The following TCF4 variants were observed in gnomAD, a reference collection of about 807,000 sequenced individuals.
TCF4 encodes transcription factor 4.
In TCF4, 3 loss-of-function variants were observed where a neutral mutation model predicts 82.1. That is an observed-to-expected ratio of 0.04 (90% confidence interval 0.02 to 0.09). The LOEUF is 0.09. Ranked by LOEUF, TCF4 falls within the 10% of genes least tolerant of loss-of-function variation. The pLI is 1.00. For synonymous variants in TCF4, 276 were observed against 309.6 expected, an observed-to-expected ratio of 0.89 and a Z score of 1.14; for missense variants, 518 against 852.7, an observed-to-expected ratio of 0.61 and a Z score of 4.89.
intron 15 of TCF4, among the ~76,000 whole-genome samples, chr18:55,246,232 C>CGTGTGTGTGTGTGTGT (rs34773632): frequency 2.2e-4 from 32 of 147,756 alleles, no homozygotes; most frequent in South Asian, 8.8e-4. Flanking sequence ...TTTAAATACA[C>CGTGTGTGTGTGTGTGT]GTGTGTGTGT....
intron 15 of TCF4, among the ~76,000 whole-genome samples, chr18:55,251,929 G>C (rs997041914): frequency 2.2e-5 from 2 of 90,964 alleles, no homozygotes; most frequent in African/African-American, 8.2e-5. Context: ...AGGGGGATGA[G>C]GTTTTTTTTT....
chr18:55,350,805 TAAAG>T lies in TCF4; in HGVS notation c.499+65_499+68del, dbSNP rs1023002057. ...GAGGTAGGATGGGGGGGCGATATTT[TAAAG>T]AAAGAAAGAAAAAAAGAAAAAGGCA... On this transcript the variant is annotated intron_variant, in intron 7 of 19. Transcript: ENST00000354452. 6.8e-6 allele frequency: 11 copies of T among 1,606,328 alleles called. No individual in the cohort carries two copies. In the Admixed American group the frequency reaches 1.0e-4, roughly 15 times the overall value.
chr18:55,551,729 A>G (rs1003653400), intron 3 of TCF4: 1 of 152,204 alleles, frequency 6.6e-6, no homozygotes, highest in African/African-American at 2.4e-5. Flanking sequence ...TATTTCAAAT[A>G]TGCTTCAGAA....
chr18:55,233,052 T>C (rs542941277), intron 16 of TCF4, among the ~76,000 whole-genome samples: 12 of 152,244 alleles, frequency 7.9e-5, no homozygotes, highest in Non-Finnish European at 1.8e-4. Context: ...AAAATGTCCT[T>C]AAAATATAAT....
chr18:55,611,462 C>A (rs995447758), intron 2 of TCF4, among the ~76,000 whole-genome samples: 2 of 152,156 alleles, frequency 1.3e-5, no homozygotes, highest in Admixed American at 6.5e-5. Context: ...ATCCATGACA[C>A]CCTACCTAGA....
intron 2 of TCF4, among the ~76,000 whole-genome samples, chr18:55,600,653 G>A (rs897576783): frequency 1.3e-5 from 2 of 152,168 alleles, no homozygotes; most frequent in East Asian, 1.9e-4. Flanking sequence ...CTAGGCCACA[G>A]TATACAGGCT....
chr18:55,536,604 A>G (rs1230214092), intron 3 of TCF4, among the ~76,000 whole-genome samples: 1 of 152,264 alleles, frequency 6.6e-6, no homozygotes, highest in Non-Finnish European at 1.5e-5. Flanking sequence ...GCCCCAACAT[A>G]TAAGACATAT....
At chr18:55,514,156 T>A (rs1381771269) in intron 3 of TCF4, among the ~76,000 whole-genome samples, 1 of 152,156 alleles carries the variant, frequency 6.6e-6, no homozygotes, top group Non-Finnish European at 1.5e-5. Flanking sequence ...TTCTCAGATT[T>A]CTACTGTATC....
intron 8 of TCF4, among the ~76,000 whole-genome samples, chr18:55,299,133 A>C (rs985925260): frequency 6.6e-6 from 1 of 152,170 alleles, no homozygotes; most frequent in African/African-American, 2.4e-5. Context: ...TTTCTTGGCC[A>C]GGTGTGGTGG....
Position 55,466,125 on chromosome 18 carries a change from C to T in TCF4, c.146-1988G>A, listed in dbSNP as rs541281485. On this transcript the variant is annotated intron_variant, in intron 3 of 19. Coordinates refer to ENST00000354452, the MANE Select transcript of TCF4 (RefSeq NM_001083962.2). ...TTTGGTTGTCACAATTTGGGTGTTGCTAGTGGCATTGATCACACAGAGGCC... is the reference window on the plus strand; with the variant it reads ...TTTGGTTGTCACAATTTGGGTGTTGTTAGTGGCATTGATCACACAGAGGCC... Among the ~76,000 whole-genome samples, 7 of 152,238 alleles carry T rather than the reference C, an allele frequency of 4.6e-5. No homozygotes were observed. In the South Asian group the frequency reaches 1.5e-3, roughly 32 times the overall value.
intron 14 of TCF4, among the ~76,000 whole-genome samples, chr18:55,256,941 A>G (rs1047702657): frequency 3.3e-5 from 5 of 152,184 alleles, no homozygotes; most frequent in African/African-American, 9.6e-5. Flanking sequence ...TGGAAAGTAA[A>G]GCAGAGGTAG....
intron 5 of TCF4, among the ~76,000 whole-genome samples, chr18:55,439,916 G>T (rs1438348366): frequency 4.6e-5 from 7 of 152,034 alleles, no homozygotes; most frequent in Non-Finnish European, 4.4e-5. Context: ...TAGACACGGG[G>T]TTTCACCATG....
At chr18:55,539,759 G>A in intron 3 of TCF4, among the ~76,000 whole-genome samples, 1 of 151,950 alleles carries the variant, frequency 6.6e-6, no homozygotes, top group East Asian at 1.9e-4. Flanking sequence ...ACATCATAAT[G>A]AAAAGATAAG....
intron 8 of TCF4, among the ~76,000 whole-genome samples, chr18:55,349,096 C>T (rs756541860): frequency 7.9e-5 from 12 of 152,098 alleles, no homozygotes; most frequent in Non-Finnish European, 1.5e-4. Flanking sequence ...CAACTGAGTA[C>T]AATTTTAAGT....
chr18:55,538,026 G>GCGCGCACACA lies in TCF4; in HGVS notation c.145+47253_145+47254insTGTGTGCGCG, dbSNP rs1277287061. On this transcript the variant is annotated intron_variant, in intron 3 of 19. Coordinates refer to ENST00000354452, the MANE Select transcript of TCF4 (RefSeq NM_001083962.2). ...CTGGATTTTGCTAGTCTGCGCGCGC[G>GCGCGCACACA]CACACACACACACACACACACACAC... 1.0e-3 allele frequency among the ~76,000 whole-genome samples: 137 copies of GCGCGCACACA among 131,572 alleles called. 1 individual carries two copies. Among genetic ancestry groups the GCGCGCACACA allele is most frequent in the South Asian group, 3.0e-3 (12 of 4,036 alleles). The allele number at this position is 131,572 out of a possible 152,430, so 86.3% of individuals were successfully genotyped here.
intron 3 of TCF4, among the ~76,000 whole-genome samples, chr18:55,570,817 C>G (rs1453268809): frequency 6.7e-6 from 1 of 150,348 alleles, no homozygotes; most frequent in Non-Finnish European, 1.5e-5. Flanking sequence ...AAAGTCGAGA[C>G]CAGACAGTGA....
chr18:55,387,161 A>T (rs2092680217), intron 6 of TCF4, among the ~76,000 whole-genome samples: 1 of 152,254 alleles, frequency 6.6e-6, no homozygotes, highest in Non-Finnish European at 1.5e-5. Context: ...CAAAGTTTTT[A>T]ATCTCTAAGT....
At chr18:55,471,624 G>A (rs982726280) in intron 3 of TCF4, among the ~76,000 whole-genome samples, 1 of 152,008 alleles carries the variant, frequency 6.6e-6, no homozygotes, top group Admixed American at 6.6e-5. Flanking sequence ...AAATTAGCTG[G>A]GCATGGTGGT....
intron 8 of TCF4, among the ~76,000 whole-genome samples, chr18:55,281,550 T>C (rs1457396351): frequency 6.6e-6 from 1 of 152,002 alleles, no homozygotes; most frequent in Non-Finnish European, 1.5e-5. Flanking sequence ...AAAAAGAATC[T>C]CCGACCCATA....
Sources: gnomAD v4.1 joint callset for allele counts (sites outside exome capture counted in the v4.1 genomes callset) on GRCh38, gnomAD v4.1.1 for gene constraint, MANE v1.5 for transcripts, NCBI Gene and HGNC (gene_info 2026-07-23, HGNC 2026-07-21) for gene names.